ELK4: variants seen among roughly 807,000 people sequenced by gnomAD.
ELK4 encodes ETS transcription factor ELK4, also known as ETS domain-containing protein Elk-4.
ELK4 carries 16 observed loss-of-function variants against 29.6 expected under a neutral mutation model. The observed-to-expected ratio is 0.54, with a 90% CI of 0.37 to 0.82. The LOEUF (loss-of-function observed/expected upper bound fraction) is 0.82. ELK4 is among the 40% of genes least tolerant of loss of function. The pLI is 0.00. For synonymous variants in ELK4, 213 were observed against 191.1 expected, an observed-to-expected ratio of 1.11 and a Z score of -0.95; for missense variants, 465 against 507.1, an observed-to-expected ratio of 0.92 and a Z score of 0.80.
At chr1:205,622,352 T>A (rs1472339541) in intron 2 of ELK4, among the ~76,000 whole-genome samples, 1 of 152,210 alleles carries the variant, frequency 6.6e-6, no homozygotes, top group Non-Finnish European at 1.5e-5. Context: ...AAACTAAAAA[T>A]TAAGATATAA....
At position 205,610,331 on chromosome 1, in the gene ELK4, A is replaced by G. The variant is rs762928876; in HGVS notation, c.*6215T>C. The G allele has an allele frequency of 2.1e-4, 48 of 231,440 alleles. No individual in the cohort carries two copies. Among genetic ancestry groups the G allele is most frequent in the Non-Finnish European group, 3.7e-4 (43 of 116,904 alleles). 14.3% of individuals were successfully genotyped at this position (231,440 alleles called of 1,614,324 possible). On this transcript the variant is annotated 3_prime_UTR_variant, in exon 5 of 5. Transcript: ENST00000357992. ...CCACTCTGAGGTTTTGGCTAATACT[A>G]ATGACATACAGTTTAAAAGGATAAA...
rs1222945283 is a variant in ELK4 at position 205,610,090 on chromosome 1, T to C, written c.*6456A>G. ...AAGTGATTAACACCAATATATGGCA[T>C]TCCCACCCCTGAACTTTAGGCATTC... On this transcript the variant is annotated 3_prime_UTR_variant, in exon 5 of 5. Transcript: ENST00000357992. 8.6e-6 allele frequency: 2 copies of C among 232,004 alleles called. No individual in the cohort carries two copies. Among genetic ancestry groups the C allele is most frequent in the South Asian group, 1.8e-4 (1 of 5,514 alleles). The allele number at this position is 232,004 out of a possible 1,614,324, so 14.4% of individuals were successfully genotyped here. A position where few individuals can be genotyped will look rare whatever the true frequency, so the allele number is the denominator to read the frequency against.
intron 4 of ELK4, 147 bp from the exon 5 acceptor site, chr1:205,616,791 A>G (rs1670238018): frequency 6.6e-6 from 4 of 606,626 alleles, no homozygotes; most frequent in African/African-American, 5.5e-5. Flanking sequence ...ATGAAAGAAT[A>G]TGATGTCATA....
At chr1:205,621,489 C>G (rs1184222075) in intron 2 of ELK4, among the ~76,000 whole-genome samples, 1 of 152,100 alleles carries the variant, frequency 6.6e-6, no homozygotes, top group Admixed American at 6.6e-5. Context: ...AAGGTATAAG[C>G]CATACACATC....
At chr1:205,619,671 T>C (rs1670295468) in intron 3 of ELK4, 1 of 1,381,982 alleles carries the variant, frequency 7.2e-7, no homozygotes, top group Non-Finnish European at 9.3e-7. Flanking sequence ...ACGAGTTTTA[T>C]AAGACCGAGA....
rs1299677995 is a variant in ELK4, at chr1:205,614,721, C to T, written c.*1825G>A. On this transcript the variant is annotated 3_prime_UTR_variant, in exon 5 of 5. Coordinates refer to ENST00000357992, the MANE Select transcript of ELK4 (RefSeq NM_001973.4). ...TATATAAGCACATTTAAAGTAAATA[C>T]CATGCATCTGAAGATGCTAGTTTGT... is the stretch of plus-strand genomic sequence containing the variant. The T allele has an allele frequency of 8.9e-6, 2 of 225,058 alleles. No individual in the cohort carries two copies. Among genetic ancestry groups the T allele is most frequent in the South Asian group, 1.8e-4 (1 of 5,482 alleles). 13.9% of individuals were successfully genotyped at this position (225,058 alleles called of 1,614,324 possible). A position where few individuals can be genotyped will look rare whatever the true frequency, so the allele number is the denominator to read the frequency against.
Position 205,616,525 on chromosome 1 carries a change from C to G in ELK4, c.*21G>C. ...GTCTGTTTCTTCGTTCCTCGGTTCT[C>G]TCATTCCACAAGTGCATAGGTTATG... On this transcript the variant is annotated 3_prime_UTR_variant, in exon 5 of 5. Coordinates refer to ENST00000357992, the MANE Select transcript of ELK4 (RefSeq NM_001973.4). 1 of 1,604,504 alleles carries G rather than the reference C, an allele frequency of 6.2e-7. No homozygotes were observed. Among genetic ancestry groups the G allele is most frequent in the Non-Finnish European group, 8.5e-7 (1 of 1,171,524 alleles).
chr1:205,629,493 A>G (rs1670534451), intron 1 of ELK4, among the ~76,000 whole-genome samples: 1 of 152,126 alleles, frequency 6.6e-6, no homozygotes, highest in Non-Finnish European at 1.5e-5. Context: ...TGGGAGACCA[A>G]ATCGCTTGAG....
Position 205,620,220 on chromosome 1 carries a change from G to T in ELK4, c.826C>A (p.Pro276Thr), listed in dbSNP as rs201588267. ...RTPSPPLSSH[P>T]DIDTDIDSVA... is the part of the protein sequence containing the mutation. The stretch of plus-strand genomic sequence containing the variant: ...GAATCAATGTCTGTGTCGATGTCTG[G>T]GTGAGAACTCAGTGGTGGTGAAGGT... The change falls in exon 3 of 5, where the codon CCA (proline) becomes ACA (threonine). Residue 276 changes from proline (P) to threonine (T), a missense_variant. This residue lies in a region of ELK4 where 385 missense variants were observed against 387.5 expected (regional missense o/e 0.99). Coordinates refer to ENST00000357992, the MANE Select transcript of ELK4 (RefSeq NM_001973.4). 5.0e-6 allele frequency: 8 copies of T among 1,614,224 alleles called. No individual in the cohort carries two copies. The highest frequency in any genetic ancestry group is 6.8e-6 in the Non-Finnish European group (8 of 1,180,042).
In ELK4 at chr1:205,610,775, G is replaced by GCACACACA; in HGVS notation, c.*5763_*5770dup. 4.6e-6 allele frequency: 1 copy of GCACACACA among 217,180 alleles called. No individual in the cohort carries two copies. The allele number at this position is 217,180 out of a possible 1,614,324, so 13.5% of individuals were successfully genotyped here. ...TCCCTATGAAAACAGATTTACACGC[G>GCACACACA]CACACACACACACACACACATTCAG... is the stretch of plus-strand genomic sequence containing the variant. On this transcript the variant is annotated 3_prime_UTR_variant, in exon 5 of 5. Coordinates refer to ENST00000357992, the MANE Select transcript of ELK4 (RefSeq NM_001973.4).
intron 2 of ELK4, among the ~76,000 whole-genome samples, chr1:205,621,704 A>C: frequency 6.6e-6 from 1 of 151,984 alleles, no homozygotes; most frequent in South Asian, 2.1e-4. Flanking sequence ...TTTTTAGTAG[A>C]GATGGGGTTT....
At chr1:205,627,646 ACAC>A (rs898900586) in intron 1 of ELK4, among the ~76,000 whole-genome samples, 2 of 152,250 alleles carry the variant, frequency 1.3e-5, no homozygotes, top group African/African-American at 4.8e-5. Flanking sequence ...AAAACAAACA[ACAC>A]AACAAACACT....
Position 205,610,368 on chromosome 1 carries a change from T to C in ELK4, c.*6178A>G, listed in dbSNP as rs1163534706. 1 of 230,948 alleles carries C rather than the reference T, an allele frequency of 4.3e-6. No homozygotes were observed. The highest frequency in any genetic ancestry group is 6.1e-5 in the East Asian group (1 of 16,264). 14.3% of individuals were successfully genotyped at this position (230,948 alleles called of 1,614,324 possible). On this transcript the variant is annotated 3_prime_UTR_variant, in exon 5 of 5. Transcript: ENST00000357992. ...TTTAAAAGGATAAATTAGGCCACAA[T>C]ACCAGCATTCCTCCACTACTGTATT...
In ELK4 at chr1:205,620,678, C is replaced by G; in HGVS notation, c.368G>C (p.Gly123Ala). The G allele has an allele frequency of 6.2e-7, 1 of 1,614,172 alleles. No homozygotes were observed. The highest frequency in any genetic ancestry group is 8.5e-7 in the Non-Finnish European group (1 of 1,180,040). Residue 123 changes from glycine (G) to alanine (A), a missense_variant, in exon 3 of 5, where the codon GGA (glycine) becomes GCA (alanine). Around this residue, in one of 2 missense-constraint regions of ELK4, gnomAD observed 385 missense variants for 387.5 expected, o/e 0.99. Coordinates refer to ENST00000357992, the MANE Select transcript of ELK4 (RefSeq NM_001973.4). ...VSSSSKDVEN[G>A]GKDKPPQPGA... ...AGGCTGAGGTGGTTTATCTTTCCCT[C>G]CATTCTCCACATCTTTGGAACTGCT...
Position 205,623,687 on chromosome 1 carries a change from A to G in ELK4, c.196T>C (p.Tyr66His). The G allele has an allele frequency of 1.2e-6, 2 of 1,614,042 alleles. No homozygotes were observed. Among genetic ancestry groups the G allele is most frequent in the Non-Finnish European group, 1.7e-6 (2 of 1,179,984 alleles). The change falls in exon 2 of 5, where the codon TAT becomes CAT. Residue 66 changes from tyrosine to histidine, a missense_variant. Physicochemically the swap from Tyr to His is moderately conservative, Grantham distance 83 (BLOSUM62 2). This residue lies in a region of ELK4 where 385 missense variants were observed against 387.5 expected (regional missense o/e 0.99). Transcript: ENST00000357992. The stretch of plus-strand genomic sequence containing the variant: ...AGGATGTGTACTACCTTTACATAAT[A>G]GTATCTGAGGGCTCGGCTGAGTTTG... ...YDKLSRALRY[Y>H]YVKNIIKKVN...
In ELK4 at chr1:205,612,373, A is replaced by C. The variant is rs1334087766; in HGVS notation, c.*4173T>G. The C allele has an allele frequency of 1.8e-5, 4 of 217,506 alleles. No homozygotes were observed. The highest frequency in any genetic ancestry group is 5.8e-5 in the Admixed American group (1 of 17,188). 13.5% of individuals were successfully genotyped at this position (217,506 alleles called of 1,614,324 possible). ...CAACCAACTGGGGTGTGGGAAGAAA[A>C]TACTATAACTGCTACTCAAGAATTA... On this transcript the variant is annotated 3_prime_UTR_variant, in exon 5 of 5. Transcript: ENST00000357992.
At chr1:205,625,473 T>A in intron 1 of ELK4, 3 of 675,928 alleles carry the variant, frequency 4.4e-6, no homozygotes, top group South Asian at 4.3e-5. Context: ...TCAGCCGGGT[T>A]CCCAACAGGA....
rs1479944180 is a variant in ELK4 at position 205,608,797 on chromosome 1, T to A, written c.*7749A>T. 1.0e-5 allele frequency: 2 copies of A among 195,796 alleles called. No homozygotes were observed. Among genetic ancestry groups the A allele is most frequent in the African/African-American group, 2.3e-5 (1 of 43,284 alleles). 12.1% of individuals were successfully genotyped at this position (195,796 alleles called of 1,614,324 possible). On this transcript the variant is annotated 3_prime_UTR_variant, in exon 5 of 5. Coordinates refer to ENST00000357992, the MANE Select transcript of ELK4 (RefSeq NM_001973.4). The stretch of plus-strand genomic sequence containing the variant: ...GGGAAAAAATAAGCAATGAAGTAAC[T>A]GTCTTCTCAGTTGAGCTGACAGGTT...
In ELK4 at chr1:205,613,029, T is replaced by TC. The variant is rs1670175763; in HGVS notation, c.*3516dup. 9.9e-6 allele frequency: 2 copies of TC among 203,000 alleles called. No individual in the cohort carries two copies. Among genetic ancestry groups the TC allele is most frequent in the African/African-American group, 2.3e-5 (1 of 43,658 alleles). The allele number at this position is 203,000 out of a possible 1,614,324, so 12.6% of individuals were successfully genotyped here. A position where few individuals can be genotyped will look rare whatever the true frequency, so the allele number is the denominator to read the frequency against. On this transcript the variant is annotated 3_prime_UTR_variant, in exon 5 of 5. Transcript: ENST00000357992. ...AGGGCCTCTAATTCTTTTTTTTTTT[T>TC]CCTGACCGTACTCCTCAAAATCCAG...
Sources: allele counts gnomAD v4.1 joint callset (sites outside exome capture counted in the v4.1 genomes callset), GRCh38; gene constraint gnomAD v4.1.1; regional missense constraint gnomAD v4.1.1; transcripts MANE v1.5; gene names NCBI Gene and HGNC (gene_info 2026-07-23, HGNC 2026-07-21).